The following CHN2 variants were observed in gnomAD, a reference collection of about 807,000 sequenced individuals.
CHN2 encodes chimerin 2.
In CHN2, 35 loss-of-function variants were observed where a neutral mutation model predicts 56.3. That is an observed-to-expected ratio of 0.62 (90% confidence interval 0.47 to 0.82). The LOEUF (loss-of-function observed/expected upper bound fraction) is 0.82, where lower values mean the gene tolerates loss of function less well. Ranked by LOEUF, CHN2 falls within the 40% of genes least tolerant of loss-of-function variation. CHN2 has a pLI of 0.00. For missense variants in CHN2, 491 were observed against 580.5 expected (o/e 0.85, Z 1.58); for synonymous variants, 210 against 212.8 (o/e 0.99, Z 0.12).
chr7:29,466,383 A>G (rs1052127524), intron 6 of CHN2, among the ~76,000 whole-genome samples: 17 of 152,190 alleles, frequency 1.1e-4, no homozygotes, highest in African/African-American at 4.1e-4. Flanking sequence ...TTATTCTTTT[A>G]TCCCCTGGCC....
intron 1 of CHN2, among the ~76,000 whole-genome samples, chr7:29,210,325 A>G (rs1035805992): frequency 2.6e-5 from 4 of 152,168 alleles, no homozygotes; most frequent in African/African-American, 4.8e-5. Flanking sequence ...TAGTAAGCCC[A>G]GAGGTAGTCC....
chr7:29,282,262 A>T (rs775031738), intron 1 of CHN2, among the ~76,000 whole-genome samples: 8 of 152,242 alleles, frequency 5.3e-5, no homozygotes, highest in Non-Finnish European at 1.0e-4. Context: ...TCAGTTCAAC[A>T]GATTGTGATT....
chr7:29,229,452 G>A (rs868302598), intron 1 of CHN2, among the ~76,000 whole-genome samples: 1 of 152,136 alleles, frequency 6.6e-6, no homozygotes, highest in African/African-American at 2.4e-5. Context: ...AGCTGATTAC[G>A]AAGATTTACT....
intron 9 of CHN2, among the ~76,000 whole-genome samples, chr7:29,503,844 A>G (rs1790245065): frequency 6.6e-6 from 1 of 152,222 alleles, no homozygotes; most frequent in Non-Finnish European, 1.5e-5. Context: ...TATAGTTTTG[A>G]TAGCAGCTAG....
intron 1 of CHN2, among the ~76,000 whole-genome samples, chr7:29,202,779 C>T (rs1784255873): frequency 6.6e-6 from 1 of 152,126 alleles, no homozygotes; most frequent in South Asian, 2.1e-4. Context: ...AAACCTAGCG[C>T]TTCCTTATTA....
intron 2 of CHN2, among the ~76,000 whole-genome samples, chr7:29,152,057 T>C (rs747210288): frequency 1.3e-5 from 2 of 152,218 alleles, no homozygotes; most frequent in Non-Finnish European, 2.9e-5. Context: ...TGCTTACTCA[T>C]ATTGTGCCTA....
Position 29,512,971 on chromosome 7 carries a change from T to G in CHN2, c.*236T>G. 4 of 417,712 alleles carry G rather than the reference T, an allele frequency of 9.6e-6. No homozygotes were observed. In the South Asian group the frequency reaches 2.5e-4, roughly 26 times the overall value. 25.9% of individuals were successfully genotyped at this position (417,712 alleles called of 1,614,324 possible). On this transcript the variant is annotated 3_prime_UTR_variant, in exon 13 of 13. Transcript: ENST00000222792. ...TGGGTCTTTTGCTGTGCCTCCTATG[T>G]ATGTCTGGTTTGCTGGAAGAGTGAT...
intron 9 of CHN2, among the ~76,000 whole-genome samples, chr7:29,503,636 G>A (rs1268950990): frequency 6.6e-6 from 1 of 152,150 alleles, no homozygotes; most frequent in African/African-American, 2.4e-5. Context: ...AGGGATGAGG[G>A]GAAGTATTCG....
At chr7:29,305,241 G>A (rs547112402) in intron 1 of CHN2, among the ~76,000 whole-genome samples, 38 of 152,146 alleles carry the variant, frequency 2.5e-4, no homozygotes, top group Non-Finnish European at 4.3e-4. Context: ...AGAAAGAAGA[G>A]TGTTTATAAG....
At chr7:29,381,795 C>A (rs1800527004) in intron 3 of CHN2, among the ~76,000 whole-genome samples, 1 of 88,816 alleles carries the variant, frequency 1.1e-5, no homozygotes, top group Non-Finnish European at 2.1e-5. Flanking sequence ...AAAGTCTATT[C>A]TCACTAAACT....
At position 29,333,847 on chromosome 7, in the gene CHN2, G is replaced by A. The variant is rs144078775; in HGVS notation, c.50-20778G>A. ...GGATTTTCAGCAGTAATGGCCGAGA[G>A]TCAGGGACCAGATGAGTGTGTGTGA... On this transcript the variant is annotated intron_variant, in intron 1 of 12. Transcript: ENST00000222792. Among the ~76,000 whole-genome samples, 711 of 152,218 alleles carry A rather than the reference G, an allele frequency of 4.7e-3. 4 individuals carry two copies. The highest frequency in any genetic ancestry group is 0.016 in the African/African-American group (661 of 41,532).
intron 2 of CHN2, among the ~76,000 whole-genome samples, chr7:29,356,463 T>A (rs990211336): frequency 6.6e-6 from 1 of 152,144 alleles, no homozygotes; most frequent in Non-Finnish European, 1.5e-5. Flanking sequence ...CATATTCCAG[T>A]CCACTCTCTC....
intron 6 of CHN2, among the ~76,000 whole-genome samples, chr7:29,434,091 A>G (rs1289754758): frequency 6.6e-6 from 1 of 152,154 alleles, no homozygotes; most frequent in Non-Finnish European, 1.5e-5. Context: ...TGGTAAAATG[A>G]AAAGTGCACT....
At chr7:29,259,366 C>A (rs944824862) in intron 1 of CHN2, among the ~76,000 whole-genome samples, 4 of 150,984 alleles carry the variant, frequency 2.6e-5, no homozygotes, top group African/African-American at 9.7e-5. Context: ...AAACAAAACC[C>A]AAAACCAAAG....
chr7:29,412,318 G>GTGTTTTTT (rs1163888411), intron 6 of CHN2, among the ~76,000 whole-genome samples: 1 of 108,290 alleles, frequency 9.2e-6, no homozygotes, highest in African/African-American at 4.1e-5. Flanking sequence ...CTGCTAAAGA[G>GTGTTTTTT]TCTTTTTTTT....
At chr7:29,481,532 A>G (rs1470640503) in intron 7 of CHN2, among the ~76,000 whole-genome samples, 1 of 152,210 alleles carries the variant, frequency 6.6e-6, no homozygotes, top group Admixed American at 6.5e-5. Flanking sequence ...GGAATTATAC[A>G]GCCCTACATA....
At chr7:29,379,473 C>CAGT (rs750493366) in intron 3 of CHN2, among the ~76,000 whole-genome samples, 2 of 152,142 alleles carry the variant, frequency 1.3e-5, no homozygotes, top group Non-Finnish European at 2.9e-5. Flanking sequence ...AAGAGTGCTA[C>CAGT]ATCTGCAGTT....
chr7:29,199,268 T>C (rs1256982505), intron 1 of CHN2, among the ~76,000 whole-genome samples: 1 of 152,254 alleles, frequency 6.6e-6, no homozygotes, highest in Non-Finnish European at 1.5e-5. Flanking sequence ...ATAGTAATTC[T>C]GGCAAGACTT....
chr7:29,385,941 G>T (rs1434698318), intron 3 of CHN2, among the ~76,000 whole-genome samples: 1 of 152,174 alleles, frequency 6.6e-6, no homozygotes, highest in South Asian at 2.1e-4. Flanking sequence ...TATCCAACTT[G>T]TGTGTATGTA....
Sources: gnomAD v4.1 joint callset for allele counts (sites outside exome capture counted in the v4.1 genomes callset) on GRCh38, gnomAD v4.1.1 for gene constraint, MANE v1.5 for transcripts, NCBI Gene and HGNC (gene_info 2026-07-23, HGNC 2026-07-21) for gene names.